The following MAP3K15 variants were observed in gnomAD, a reference collection of about 807,000 sequenced individuals.
MAP3K15 encodes the protein MAPK/ERK kinase kinase 15.
Under a neutral mutation model 99.5 loss-of-function variants are expected in MAP3K15, and 124 were observed. The observed-to-expected ratio is 1.25, with a 90% CI of 1.08 to 1.45. MAP3K15 has a LOEUF of 1.45. MAP3K15 is among the 40% of genes most tolerant of loss of function. MAP3K15 has a pLI of 0.00. For synonymous variants in MAP3K15, 494 were observed against 439.6 expected (o/e 1.12, Z -1.55); for missense variants, 1,242 against 1,079.7 (o/e 1.15, Z -2.11).
At chrX:19,476,659 T>C (rs1337466733) in intron 3 of MAP3K15, among the ~76,000 whole-genome samples, 1 of 111,926 alleles carries the variant, frequency 8.9e-6, no homozygotes, top group Admixed American at 9.5e-5. Context: ...TATCTGGTCA[T>C]AGGAGGAAAA....
At chrX:19,486,417 G>A in intron 3 of MAP3K15, 65 bp downstream of exon 3, 3 of 503,751 alleles carry the variant, frequency 6.0e-6, no homozygotes, top group Non-Finnish European at 8.9e-6. Context: ...TTTCAGGCAA[G>A]CATTTTACAA....
At position 19,431,619 on chromosome X, in the gene MAP3K15, G is replaced by T. The variant is rs1210945425; in HGVS notation, c.996-11C>A. 8.4e-7 allele frequency: 1 copy of T among 1,187,715 alleles called. No individual in the cohort carries two copies. On this transcript the variant is annotated splice_polypyrimidine_tract_variant and intron_variant, in intron 6 of 28. Coordinates refer to ENST00000338883, the MANE Select transcript of MAP3K15 (RefSeq NM_001001671.4). ...CCTGTGCTGTTTCTCCTGAAAGATAGATGTTATAAGGTCACAAATGAATCA... is the reference window on the plus strand; with the variant it reads ...CCTGTGCTGTTTCTCCTGAAAGATATATGTTATAAGGTCACAAATGAATCA...
chrX:19,393,895 C>G (rs758899100), intron 16 of MAP3K15, among the ~76,000 whole-genome samples: 3 of 105,913 alleles, frequency 2.8e-5, no homozygotes, highest in Non-Finnish European at 3.9e-5. Context: ...GCCTCAGCCT[C>G]CGGAGTAGCT....
At chrX:19,418,238 T>C (rs997113696) in intron 9 of MAP3K15, among the ~76,000 whole-genome samples, 4 of 110,349 alleles carry the variant, frequency 3.6e-5, no homozygotes, top group African/African-American at 6.6e-5. Flanking sequence ...ACAATCAAAC[T>C]ACTCCGAGCT....
chrX:19,459,859 A>C, intron 5 of MAP3K15, 126 bp downstream of exon 5: 1 of 524,278 alleles, frequency 1.9e-6, no homozygotes, highest in Non-Finnish European at 2.8e-6. Flanking sequence ...TCAAAAAAGA[A>C]AACAAAAAAG....
At chrX:19,486,622 A>G (rs1175806290) in intron 2 of MAP3K15, 117 bp from the exon 3 acceptor site, 12 of 295,465 alleles carry the variant, frequency 4.1e-5, no homozygotes, top group Non-Finnish European at 6.3e-5. Context: ...AATCACATAA[A>G]AGCACCCACC....
intron 11 of MAP3K15, among the ~76,000 whole-genome samples, chrX:19,413,113 TAC>T (rs377362996): frequency 5.3e-3 from 522 of 98,210 alleles, no homozygotes; most frequent in African/African-American, 0.013. Context: ...AATGTTTTTA[TAC>T]ACACACACAC....
At chrX:19,428,986 G>A (rs1302867550) in intron 7 of MAP3K15, among the ~76,000 whole-genome samples, 1 of 110,360 alleles carries the variant, frequency 9.1e-6, no homozygotes, top group African/African-American at 3.3e-5. Flanking sequence ...GAAAAAAAAA[G>A]GGCAAGAGAA....
intron 18 of MAP3K15, among the ~76,000 whole-genome samples, chrX:19,384,584 G>A (rs1216141187): frequency 9.4e-6 from 1 of 106,608 alleles, no homozygotes; most frequent in Non-Finnish European, 1.9e-5. Flanking sequence ...TACTAAAAAA[G>A]TACAAAAAAT....
At chrX:19,416,625 G>A (rs957906638) in intron 9 of MAP3K15, among the ~76,000 whole-genome samples, 3 of 111,978 alleles carry the variant, frequency 2.7e-5, no homozygotes, top group South Asian at 3.7e-4. Flanking sequence ...CTGCAGTTAC[G>A]GCTGCTGCCA....
chrX:19,412,160 C>G (rs1602283655), intron 11 of MAP3K15, among the ~76,000 whole-genome samples: 1 of 112,190 alleles, frequency 8.9e-6, no homozygotes, highest in East Asian at 2.8e-4. Context: ...ATACAGAAAG[C>G]TTAGCCACAT....
At chrX:19,484,902 C>T (rs2064312743) in intron 3 of MAP3K15, among the ~76,000 whole-genome samples, 1 of 111,759 alleles carries the variant, frequency 8.9e-6, no homozygotes, top group African/African-American at 3.3e-5. Context: ...AGGGGTGGAA[C>T]AACTGACTGC....
chrX:19,409,165 CTA>C (rs1364954685), intron 12 of MAP3K15, among the ~76,000 whole-genome samples: 1 of 111,283 alleles, frequency 9.0e-6, no homozygotes, highest in African/African-American at 3.3e-5. Flanking sequence ...CAGGATCACA[CTA>C]TGTCTAGAAG....
At chrX:19,493,512 C>T (rs1398246551) in intron 1 of MAP3K15, among the ~76,000 whole-genome samples, 1 of 111,311 alleles carries the variant, frequency 9.0e-6, no homozygotes, top group African/African-American at 3.3e-5. Flanking sequence ...TTTCAGAATT[C>T]CTAAAACACG....
intron 5 of MAP3K15, among the ~76,000 whole-genome samples, chrX:19,457,656 G>T (rs911731574): frequency 8.9e-5 from 10 of 112,295 alleles, no homozygotes. Context: ...CAGCAGAGAT[G>T]TGTGTTAAAG....
At chrX:19,399,825 T>C (rs1056493751) in intron 14 of MAP3K15, among the ~76,000 whole-genome samples, 2 of 106,108 alleles carry the variant, frequency 1.9e-5, no homozygotes, top group African/African-American at 6.8e-5. Context: ...GCCTGCTCCA[T>C]AGAAGACTTT....
At chrX:19,468,067 G>A (rs951257777) in intron 3 of MAP3K15, among the ~76,000 whole-genome samples, 3 of 111,353 alleles carry the variant, frequency 2.7e-5, no homozygotes, top group African/African-American at 9.8e-5. Flanking sequence ...CTCTGACCAG[G>A]AGAAAGGCAG....
intron 2 of MAP3K15, among the ~76,000 whole-genome samples, chrX:19,487,885 G>A (rs1181128170): frequency 9.0e-6 from 1 of 110,993 alleles, no homozygotes; most frequent in African/African-American, 3.3e-5. Flanking sequence ...GTCTGTGAAG[G>A]CTGACTCTCC....
chrX:19,398,175 T>A (rs1425539930), intron 15 of MAP3K15, 51 bp downstream of exon 15: 1 of 1,196,649 alleles, frequency 8.4e-7, no homozygotes, highest in Non-Finnish European at 1.1e-6. Context: ...GGGTATGGGA[T>A]CTGGGGTGTG....
Sources: gnomAD v4.1 joint callset for allele counts (sites outside exome capture counted in the v4.1 genomes callset) on GRCh38, gnomAD v4.1.1 for gene constraint, MANE v1.5 for transcripts, NCBI Gene and HGNC (gene_info 2026-07-23, HGNC 2026-07-21) for gene names.